FREM1: variants seen among roughly 807,000 people sequenced by gnomAD.
FREM1 encodes FRAS1-related extracellular matrix protein 1.
A neutral mutation model predicts 210.1 loss-of-function variants in FREM1; 220 were observed. The observed-to-expected ratio is 1.05, with a 90% CI of 0.94 to 1.17. The LOEUF (loss-of-function observed/expected upper bound fraction) is 1.17, where lower values mean the gene tolerates loss of function less well. Among genes scored for constraint, FREM1 ranks in the 50% most tolerant of loss-of-function variants. FREM1 has a pLI of 0.00. For synonymous variants in FREM1, 1,189 were observed against 980.2 expected (o/e 1.21, Z -3.98); for missense variants, 3,454 against 2,675.5 (o/e 1.29, Z -6.42).
At chr9:14,821,703 G>A (rs1314148999) in intron 13 of FREM1, among the ~76,000 whole-genome samples, 1 of 152,190 alleles carries the variant, frequency 6.6e-6, no homozygotes, top group African/African-American at 2.4e-5. Context: ...GGTGTGGGAG[G>A]TCAGGCCAGT....
intron 8 of FREM1, among the ~76,000 whole-genome samples, chr9:14,845,435 G>C (rs1260825009): frequency 1.3e-5 from 2 of 152,170 alleles, no homozygotes; most frequent in Non-Finnish European, 2.9e-5. Context: ...CTCCCAAGTA[G>C]TTGGGACTAC....
At position 14,830,030 on chromosome 9, in the gene FREM1, T is replaced by TG. The variant is rs576817464; in HGVS notation, c.1882-5039dup. Among the ~76,000 whole-genome samples, 46 of 152,134 alleles carry TG rather than the reference T, an allele frequency of 3.0e-4. No individual in the cohort carries two copies. In the East Asian group the frequency reaches 8.1e-3, roughly 27 times the overall value. On this transcript the variant is annotated intron_variant, in intron 10 of 36. Coordinates refer to ENST00000380880, the MANE Select transcript of FREM1 (RefSeq NM_001379081.2). ...ATGCCCAGAGGAGAGAACAGGTACC[T>TG]GGGGGGTGCATATTTACCACAAGTC...
chr9:14,794,035 G>C lies in FREM1; in HGVS notation c.3840-1151C>G, dbSNP rs1356229996. On this transcript the variant is annotated intron_variant, in intron 21 of 36. Coordinates refer to ENST00000380880, the MANE Select transcript of FREM1 (RefSeq NM_001379081.2). ...GCCAATGTCATTAAGAAGATGAAGA[G>C]TTTGGTAGGAAGAATTCAGAATTAA... 3.9e-5 allele frequency among the ~76,000 whole-genome samples: 6 copies of C among 152,316 alleles called. No homozygotes were observed. The South Asian group carries it at 1.2e-3, about 32-fold the overall frequency.
intron 35 of FREM1, among the ~76,000 whole-genome samples, 173 bp from the exon 36 acceptor site, chr9:14,740,407 G>T (rs2131873271): frequency 6.6e-6 from 1 of 152,232 alleles, no homozygotes; most frequent in Admixed American, 6.5e-5. Context: ...TGCAGGGTGG[G>T]GGTAGGTGAC....
At position 14,805,067 on chromosome 9, in the gene FREM1, C is replaced by T. The variant is rs772556681; in HGVS notation, c.3360G>A (p.Gln1120=). The change falls in exon 19 of 37, where the codon CAG becomes CAA. Residue 1120 remains glutamine, a synonymous_variant. Coordinates refer to ENST00000380880, the MANE Select transcript of FREM1 (RefSeq NM_001379081.2). ...TCCCATCTGTGACGTACACCGTGAA[C>T]TGGTCGGCAGTTGGTTCTATCCTCA... The part of the protein sequence containing the change: ...RHLRIEPTAD[Q]FTVYVTDGKH... The T allele has an allele frequency of 1.3e-5, 21 of 1,613,280 alleles. No individual in the cohort carries two copies. In the South Asian group the frequency reaches 2.3e-4, roughly 18 times the overall value.
rs976930501 is a variant in FREM1, at chr9:14,860,694, C to T, written c.330-1210G>A. On this transcript the variant is annotated intron_variant, in intron 3 of 36. Transcript: ENST00000380880. ...ATACACACATATATACACATATATA[C>T]ACACATATATACACACATATATACA... Among the ~76,000 whole-genome samples the T allele has an allele frequency of 2.1e-3, 195 of 93,510 alleles. 2 individuals are homozygous for T. Among genetic ancestry groups the T allele is most frequent in the African/African-American group, 8.2e-3 (165 of 20,172 alleles). The allele number at this position is 93,510 out of a possible 152,430, so 61.3% of individuals were successfully genotyped here.
chr9:14,797,615 T>A lies in FREM1; in HGVS notation c.3722A>T (p.Asp1241Val). Residue 1241 changes from aspartate to valine, a missense_variant, in exon 21 of 37, where the codon GAC becomes GTC. Transcript: ENST00000380880. ...AAAATCATCAGCAAGGCTCTCTGAG[T>A]CATCATGCATGTACGTCAACCTCAT... ...TGMRLTYMHD[D>V]SESLADDFTI... is the part of the protein sequence containing the mutation. 4 of 1,611,274 alleles carry A rather than the reference T, an allele frequency of 2.5e-6. No homozygotes were observed. Among genetic ancestry groups the A allele is most frequent in the Non-Finnish European group, 3.4e-6 (4 of 1,178,580 alleles).
Position 14,857,585 on chromosome 9 carries a change from G to C in FREM1, c.796C>G (p.Leu266Val), listed in dbSNP as rs770982040. 1.2e-6 allele frequency: 2 copies of C among 1,613,784 alleles called. No individual in the cohort carries two copies. Among genetic ancestry groups the C allele is most frequent in the South Asian group, 1.1e-5 (1 of 91,064 alleles). ...ACAATTTTGCTCCTGGTATCTGTGA[G>C]GTCCAGTTGGATGGAGATATAATCA... is the stretch of plus-strand genomic sequence containing the variant. The part of the protein sequence containing the change: ...NIDYISIQLD[L>V]TDTRSKIVYK... The change falls in exon 5 of 37, where the codon CTC becomes GTC. Residue 266 changes from leucine (L) to valine (V), a missense_variant. By Grantham distance (32) the Leu-to-Val change is conservative. Transcript: ENST00000380880.
intron 23 of FREM1, among the ~76,000 whole-genome samples, chr9:14,787,557 G>C (rs1850613016): frequency 6.6e-6 from 1 of 152,128 alleles, no homozygotes; most frequent in African/African-American, 2.4e-5. Context: ...ATGTGTACAA[G>C]AGAGGTACAC....
At chr9:14,890,163 G>C (rs901628554) in intron 1 of FREM1, among the ~76,000 whole-genome samples, 7 of 152,230 alleles carry the variant, frequency 4.6e-5, no homozygotes, top group Non-Finnish European at 8.8e-5. Flanking sequence ...AATTCCTCCA[G>C]TTCAAAATAT....
intron 10 of FREM1, among the ~76,000 whole-genome samples, chr9:14,841,176 G>T (rs1304628353): frequency 6.6e-6 from 1 of 152,142 alleles, no homozygotes; most frequent in Non-Finnish European, 1.5e-5. Flanking sequence ...TGAGTGTCGG[G>T]AGACAAGCAA....
At chr9:14,748,829 C>T (rs1013355720) in intron 30 of FREM1, among the ~76,000 whole-genome samples, 190 bp from the exon 31 acceptor site, 14 of 152,110 alleles carry the variant, frequency 9.2e-5, no homozygotes, top group African/African-American at 2.7e-4. Flanking sequence ...AAGCTGTGCT[C>T]GTCTGCACAT....
intron 28 of FREM1, among the ~76,000 whole-genome samples, chr9:14,757,181 A>T (rs1310169993): frequency 6.6e-6 from 1 of 152,180 alleles, no homozygotes; most frequent in Non-Finnish European, 1.5e-5. Flanking sequence ...CAGCCCCAAG[A>T]CTAAAAACCA....
At chr9:14,768,725 A>G (rs1459744762) in intron 27 of FREM1, among the ~76,000 whole-genome samples, 1 of 152,156 alleles carries the variant, frequency 6.6e-6, no homozygotes, top group East Asian at 1.9e-4. Context: ...GTCAGATTTT[A>G]GAACTACAAT....
At chr9:14,866,285 T>C (rs1459752518) in intron 2 of FREM1, among the ~76,000 whole-genome samples, 1 of 152,200 alleles carries the variant, frequency 6.6e-6, no homozygotes, top group African/African-American at 2.4e-5. Context: ...TGTGAACAAA[T>C]GTTTTTTACC....
intron 31 of FREM1, 118 bp downstream of exon 31, chr9:14,748,283 C>T: frequency 3.1e-6 from 2 of 652,382 alleles, no homozygotes; most frequent in South Asian, 2.1e-5. Context: ...GAACCATGGC[C>T]CCCACTCACT....
intron 3 of FREM1, among the ~76,000 whole-genome samples, chr9:14,860,682 TAC>T (rs1426306139): frequency 1.0e-4 from 11 of 110,106 alleles, no homozygotes; most frequent in Non-Finnish European, 1.8e-4. Flanking sequence ...CACACATATA[TAC>T]ACATATATAC....
At chr9:14,837,774 A>AT (rs1824906213) in intron 10 of FREM1, among the ~76,000 whole-genome samples, 1 of 152,228 alleles carries the variant, frequency 6.6e-6, no homozygotes, top group Non-Finnish European at 1.5e-5. Context: ...AATGACTGCC[A>AT]TTGTGTTTAT....
rs997038960 is a variant in FREM1, at chr9:14,857,668, T to C, written c.713A>G (p.Glu238Gly). The C allele has an allele frequency of 6.2e-7, 1 of 1,613,768 alleles. No individual in the cohort carries two copies. The highest frequency in any genetic ancestry group is 8.5e-7 in the Non-Finnish European group (1 of 1,179,812). The change falls in exon 5 of 37, where the codon GAG becomes GGG. Residue 238 changes from glutamate to glycine, a missense_variant. Transcript: ENST00000380880. ...KKIGSLKVSC[E>G]EFLLMGLRYQ... ...ACGAAGGCCCATCAGCAGGAACTCC[T>C]CACAGCTCACTTTGAGGCTTCCTAT...
Sources: gnomAD v4.1 joint callset for allele counts (sites outside exome capture counted in the v4.1 genomes callset) on GRCh38, gnomAD v4.1.1 for gene constraint, MANE v1.5 for transcripts, NCBI Gene and HGNC (gene_info 2026-07-23, HGNC 2026-07-21) for gene names.